Variants in NSMF observed in about 807,000 individuals in gnomAD.
NSMF encodes nasal embryonic LHRH factor.
Under a neutral mutation model 71.0 loss-of-function variants are expected in NSMF, and 31 were observed. That is an observed-to-expected ratio of 0.44 (90% confidence interval 0.33 to 0.59). The LOEUF is 0.59. Ranked by LOEUF, NSMF falls within the 20% of genes least tolerant of loss-of-function variation. The pLI is 0.04. For synonymous variants in NSMF, 345 were observed against 287.1 expected, an observed-to-expected ratio of 1.20 and a Z score of -2.04; for missense variants, 673 against 740.5, an observed-to-expected ratio of 0.91 and a Z score of 1.06.
At position 137,458,265 on chromosome 9, in the gene NSMF, C is replaced by T. The variant is rs535770184; in HGVS notation, c.133+223G>A. 5.5e-3 allele frequency among the ~76,000 whole-genome samples: 842 copies of T among 152,312 alleles called. 5 individuals carry two copies. Among genetic ancestry groups the T allele is most frequent in the Non-Finnish European group, 8.9e-3 (606 of 68,014 alleles). ...CCTGGGGGAGCCAGGAGGCCTGTTG[C>T]CATGCCAACGGCCCAGGCGGGGTGG... is the stretch of plus-strand genomic sequence containing the variant. On this transcript the variant is annotated intron_variant, in intron 2 of 15. Transcript: ENST00000371475.
rs990401141 is a variant in NSMF at position 137,453,515 on chromosome 9, GC to G, written c.922+215del. 3 of 602,340 alleles carry G rather than the reference GC, an allele frequency of 5.0e-6. No individual in the cohort carries two copies. In the Admixed American group the frequency reaches 9.0e-5, roughly 18 times the overall value. The allele number at this position is 602,340 out of a possible 1,614,324, so 37.3% of individuals were successfully genotyped here. A position where few individuals can be genotyped will look rare whatever the true frequency, so the allele number is the denominator to read the frequency against. ...CCTCTTGCGAGTGGCGGTGGGCACG[GC>G]CCTACAGGCGCCCCCGGCCAGCACT... On this transcript the variant is annotated intron_variant, in intron 8 of 15. Transcript: ENST00000371475. This position sits in a 1 kb window ranked among gnomAD's most constrained non-coding sequence, Gnocchi z 4.5.
Position 137,453,316 on chromosome 9 carries a change from GC to G in NSMF, c.923-137del. ...CAAGTGGGAGGACCATACAGAGGTC[GC>G]CGCCAGCCCGGCAGGACAGGCCTGT... is the stretch of plus-strand genomic sequence containing the variant. On this transcript the variant is annotated intron_variant, in intron 8 of 15. Transcript: ENST00000371475. The surrounding 1 kb of genome is among the most constrained non-coding windows in gnomAD (Gnocchi z 4.5). 1 of 1,273,054 alleles carries G rather than the reference GC, an allele frequency of 7.9e-7. No individual in the cohort carries two copies. The allele number at this position is 1,273,054 out of a possible 1,614,324, so 78.9% of individuals were successfully genotyped here. A position where few individuals can be genotyped will look rare whatever the true frequency, so the allele number is the denominator to read the frequency against.
At position 137,459,061 on chromosome 9, in the gene NSMF, C is replaced by G. The variant is rs1235271406; in HGVS notation, c.42G>C (p.Glu14Asp). ...AASRRRALRS[E>D]AMSSVAAKVR... is the part of the protein sequence containing the mutation. Reference sequence around the variant, plus strand: ...CTTTGGCCGCCACCGAGGACATGGCCTCGCTCCTCAGCGCCCTCCTCCTGG... The same window carrying G: ...CTTTGGCCGCCACCGAGGACATGGCGTCGCTCCTCAGCGCCCTCCTCCTGG... The change falls in exon 1 of 16, where the codon GAG becomes GAC. Residue 14 changes from glutamate (E) to aspartate (D), a missense_variant. Glu to Asp is a conservative substitution (Grantham distance 45). Around this residue, in one of 2 missense-constraint regions of NSMF, gnomAD observed 471 missense variants for 459.6 expected, o/e 1.02. Transcript: ENST00000371475. 7.8e-7 allele frequency: 1 copy of G among 1,288,482 alleles called. No individual in the cohort carries two copies. Among genetic ancestry groups the G allele is most frequent in the Non-Finnish European group, 9.8e-7 (1 of 1,016,804 alleles). The allele number at this position is 1,288,482 out of a possible 1,614,324, so 79.8% of individuals were successfully genotyped here.
At position 137,452,770 on chromosome 9, in the gene NSMF, C is replaced by A. The variant is rs773170447; in HGVS notation, c.1097G>T (p.Arg366Leu). 6.2e-7 allele frequency: 1 copy of A among 1,606,944 alleles called. No individual in the cohort carries two copies. Residue 366 changes from arginine to leucine, a missense_variant, in exon 10 of 16, where the codon CGC (arginine) becomes CTC (leucine). Physicochemically the swap from Arg to Leu is moderately radical, Grantham distance 102. This residue lies in a region of NSMF where 202 missense variants were observed against 280.8 expected (regional missense o/e 0.72). Transcript: ENST00000371475. ...PKAEYIPTII[R>L]RDDPSIIPIL... ...GGGGATGATGGAGGGGTCATCCCGG[C>A]GGATGATAGTGGGGATGTACTCAGC...
Position 137,457,846 on chromosome 9 carries a change from CG to C in NSMF, c.188del (p.Pro63ArgfsTer62). The stretch of plus-strand genomic sequence containing the variant: ...ACAGGCGGCGCTTGTTCTGGGGGGC[CG>C]GCTGCATCTCGGGGGACCCGTCGTG... ...SGHDGSPEMQ[P>X]APQNKRRLSL... is the part of the protein sequence containing the mutation. On this transcript the variant is annotated frameshift_variant, in exon 3 of 16. Transcript: ENST00000371475. LOFTEE classifies it high-confidence loss of function. 1 of 1,553,526 alleles carries C rather than the reference CG, an allele frequency of 6.4e-7. No individual in the cohort carries two copies. Among genetic ancestry groups the C allele is most frequent in the Non-Finnish European group, 8.7e-7 (1 of 1,149,390 alleles).
At chr9:137,456,876 C>T (rs554824975) in intron 3 of NSMF, among the ~76,000 whole-genome samples, 111 of 152,310 alleles carry the variant, frequency 7.3e-4, no homozygotes, top group African/African-American at 2.6e-3. Flanking sequence ...AGGCCCTCAC[C>T]GAGGCTAGAG....
rs558323324 is a variant in NSMF, at chr9:137,458,735, G to T, written c.72-186C>A. Among the ~76,000 whole-genome samples, 5 of 152,254 alleles carry T rather than the reference G, an allele frequency of 3.3e-5. No individual in the cohort carries two copies. The South Asian group carries it at 6.2e-4, about 19-fold the overall frequency. On this transcript the variant is annotated intron_variant, in intron 1 of 15. Coordinates refer to ENST00000371475, the MANE Select transcript of NSMF (RefSeq NM_001130969.3). ...GCGCCCTGGCCAGGCCTGCAGGCCC[G>T]GCCCCTGCCCGTCGGACCGTGGAGA...
rs771376790 is a variant in NSMF, at chr9:137,456,388, C to A, written c.704+23G>T. ...GAAAGAGACCACCCAACCCTGACCC[C>A]AAGTCGTGGGCACAAGACTCACGCT... is the stretch of plus-strand genomic sequence containing the variant. On this transcript the variant is annotated intron_variant, in intron 4 of 15. Coordinates refer to ENST00000371475, the MANE Select transcript of NSMF (RefSeq NM_001130969.3). 6.9e-6 allele frequency: 11 copies of A among 1,595,492 alleles called. No homozygotes were observed. The Admixed American group carries it at 1.7e-4, about 24-fold the overall frequency.
chr9:137,449,367 T>C lies in NSMF; in HGVS notation c.*27A>G, dbSNP rs1184603336. 4.4e-6 allele frequency: 7 copies of C among 1,591,984 alleles called. No individual in the cohort carries two copies. In the Admixed American group the frequency reaches 1.0e-4, roughly 23 times the overall value. ...TCCCGGTGCAGAGGGAGTGGCCTGA[T>C]GGTGACTGGGCGGAGGCCTCTGCCC... On this transcript the variant is annotated 3_prime_UTR_variant, in exon 16 of 16. Transcript: ENST00000371475.
intron 4 of NSMF, 96 bp from the exon 5 acceptor site, chr9:137,455,730 C>T: frequency 1.5e-6 from 2 of 1,344,718 alleles, no homozygotes; most frequent in Non-Finnish European, 2.1e-6. Flanking sequence ...CTACAGTTCC[C>T]TTCTTGTCAC....
chr9:137,458,173 C>T (rs895881972), intron 2 of NSMF, among the ~76,000 whole-genome samples: 1 of 152,212 alleles, frequency 6.6e-6, no homozygotes, highest in Non-Finnish European at 1.5e-5. Flanking sequence ...CCTGCGATCG[C>T]ACCGTTTGCC....
chr9:137,456,513 C>G, intron 3 of NSMF, 27 bp from the exon 4 acceptor site: 1 of 1,511,264 alleles, frequency 6.6e-7, no homozygotes, highest in Non-Finnish European at 9.2e-7. Context: ...GGAGCGGTGG[C>G]TGGGTGAAGT....
At chr9:137,452,198 A>C (rs915845791) in intron 12 of NSMF, among the ~76,000 whole-genome samples, 167 bp downstream of exon 12, 103 of 3,294 alleles carry the variant, frequency 0.031, no homozygotes, top group Admixed American at 0.054. Flanking sequence ...CTTGGTCTCC[A>C]CCCCCACGCC....
chr9:137,458,848 C>CGAGGG (rs1483089813), intron 1 of NSMF, among the ~76,000 whole-genome samples, 184 bp downstream of exon 1: 1 of 151,936 alleles, frequency 6.6e-6, no homozygotes, highest in African/African-American at 2.4e-5. Context: ...CACGCGCTCG[C>CGAGGG]GAGGGGAGGG....
At chr9:137,454,240 G>A (rs1488621641) in intron 7 of NSMF, 151 bp downstream of exon 7, 9 of 756,220 alleles carry the variant, frequency 1.2e-5, no homozygotes, top group Admixed American at 2.0e-5. Flanking sequence ...AGCCTGGGCC[G>A]GGCTGGGGAA....
chr9:137,456,221 G>T (rs1040201161), intron 4 of NSMF, among the ~76,000 whole-genome samples, 190 bp downstream of exon 4: 1 of 149,054 alleles, frequency 6.7e-6, no homozygotes, highest in Non-Finnish European at 1.5e-5. Context: ...GGGGGGGGCT[G>T]GGCACCAGCC....
chr9:137,449,569 C>T (rs960375885), intron 15 of NSMF, 30 bp downstream of exon 15: 5 of 1,611,054 alleles, frequency 3.1e-6, no homozygotes, highest in Non-Finnish European at 4.2e-6. Context: ...GCAGTGGCTG[C>T]AGAGCTTCGG....
Position 137,459,205 on chromosome 9 carries a change from CTCGGGG to C in NSMF, c.-109_-104del. ...ACCGGGGGTCGCGCTCGGGCTCGGG[CTCGGGG>C]TCTCGCTCGGGCTCCGGCTCGGGCT... On this transcript the variant is annotated 5_prime_UTR_variant, in exon 1 of 16. Transcript: ENST00000371475. 2 of 867,438 alleles carry C rather than the reference CTCGGGG, an allele frequency of 2.3e-6. No individual in the cohort carries two copies. Among genetic ancestry groups the C allele is most frequent in the Non-Finnish European group, 2.9e-6 (2 of 700,494 alleles). 53.7% of individuals were successfully genotyped at this position (867,438 alleles called of 1,614,324 possible).
At chr9:137,454,676 C>T in intron 6 of NSMF, 1 of 1,524,776 alleles carries the variant, frequency 6.6e-7, no homozygotes, top group Non-Finnish European at 8.8e-7. Flanking sequence ...CAGTGCCTGG[C>T]GCTCTGGATC....
Sources: gnomAD v4.1 joint callset for allele counts (sites outside exome capture counted in the v4.1 genomes callset) on GRCh38, gnomAD v4.1.1 for gene constraint, gnomAD v4.1.1 regional missense constraint, Gnocchi (gnomAD v3.1) non-coding constraint, MANE v1.5 for transcripts, NCBI Gene and HGNC (gene_info 2026-07-23, HGNC 2026-07-21) for gene names.